PPP6R2: variants seen among roughly 807,000 people sequenced by gnomAD.
PPP6R2 encodes the protein protein phosphatase 6 regulatory subunit 2.
Under a neutral mutation model 100.2 loss-of-function variants are expected in PPP6R2, and 62 were observed. That is an observed-to-expected ratio of 0.62 (90% CI 0.50 to 0.76). PPP6R2 has a LOEUF of 0.76. Ranked by LOEUF, PPP6R2 falls within the 30% of genes least tolerant of loss-of-function variation. The pLI is 0.00. For synonymous variants in PPP6R2, 525 were observed against 514.7 expected (o/e 1.02, Z -0.27); for missense variants, 1,142 against 1,276.3 (o/e 0.89, Z 1.60).
chr22:50,360,105 T>C (rs901429564), intron 1 of PPP6R2, among the ~76,000 whole-genome samples: 10 of 151,228 alleles, frequency 6.6e-5, no homozygotes, highest in African/African-American at 2.4e-4. Flanking sequence ...GAGGCTGGAA[T>C]GCAATGGCAC....
At chr22:50,403,354 G>A (rs1260215588) in intron 3 of PPP6R2, among the ~76,000 whole-genome samples, 1 of 152,168 alleles carries the variant, frequency 6.6e-6, no homozygotes, top group Admixed American at 6.5e-5. Context: ...ACCGGTCTTA[G>A]TGTTAGAGAT....
intron 1 of PPP6R2, among the ~76,000 whole-genome samples, chr22:50,346,742 G>T (rs1033996843): frequency 2.0e-5 from 3 of 146,828 alleles, no homozygotes; most frequent in Non-Finnish European, 3.0e-5. Context: ...CTGTTGGTCA[G>T]TGCTCCCCCA....
intron 3 of PPP6R2, among the ~76,000 whole-genome samples, chr22:50,398,255 T>C (rs569534603): frequency 1.2e-3 from 177 of 148,038 alleles, no homozygotes; most frequent in Non-Finnish European, 2.0e-3. Context: ...CACTACAACC[T>C]CCGCGTCCCA....
At chr22:50,391,772 T>C (rs2148849943) in intron 2 of PPP6R2, 1 of 151,722 alleles carries the variant, frequency 6.6e-6, no homozygotes, top group South Asian at 2.1e-4. Context: ...TTAGTTTTGG[T>C]CTTTTGGATT....
chr22:50,386,960 C>G (rs1349631092), intron 2 of PPP6R2, among the ~76,000 whole-genome samples: 1 of 152,144 alleles, frequency 6.6e-6, no homozygotes, highest in African/African-American at 2.4e-5. Context: ...GGGTGTGGAT[C>G]CAGGCCCTCT....
At chr22:50,390,300 G>A (rs944987567) in intron 2 of PPP6R2, among the ~76,000 whole-genome samples, 2 of 151,978 alleles carry the variant, frequency 1.3e-5, no homozygotes, top group Non-Finnish European at 2.9e-5. Context: ...CCCATATGCC[G>A]TTTTTCAAGA....
chr22:50,338,466 G>GTTA (rs1555945975), upstream of PPP6R2, among the ~76,000 whole-genome samples: 2 of 99,358 alleles, frequency 2.0e-5, no homozygotes, highest in South Asian at 4.6e-4. Context: ...TATGTAGTGT[G>GTTA]TGTTATGTGT....
At chr22:50,401,667 G>A (rs1447984739) in intron 3 of PPP6R2, among the ~76,000 whole-genome samples, 1 of 149,884 alleles carries the variant, frequency 6.7e-6, no homozygotes, top group Non-Finnish European at 1.5e-5. Flanking sequence ...TTTTGAGACG[G>A]AGTCTCACTC....
At chr22:50,339,770 G>GTAGGGTGT (rs2042349120), upstream of PPP6R2, among the ~76,000 whole-genome samples, 1 of 122,434 alleles carries the variant, frequency 8.2e-6, no homozygotes, top group African/African-American at 3.7e-5. Flanking sequence ...TGGTGTGTGT[G>GTAGGGTGT]GTATGTGGTG....
At chr22:50,354,061 T>A (rs2045916560) in intron 1 of PPP6R2, among the ~76,000 whole-genome samples, 1 of 152,138 alleles carries the variant, frequency 6.6e-6, no homozygotes, top group South Asian at 2.1e-4. Context: ...TCTCAGCACT[T>A]TTGGAGGCCG....
Position 50,351,026 on chromosome 22 carries a change from G to GGTTTTTTTT in PPP6R2, c.-148+7476_-148+7477insGTTTTTTTT, listed in dbSNP as rs1386357403. On this transcript the variant is annotated intron_variant, in intron 1 of 23. Transcript: ENST00000612753. ...TTTCTGAGCAGTAGGTCTCAACAGT[G>GGTTTTTTTT]TTTTTTTTTTTTTTTTTTTTTTTTT... Among the ~76,000 whole-genome samples the GGTTTTTTTT allele has an allele frequency of 1.2e-4, 10 of 80,748 alleles. 2 individuals are homozygous for GGTTTTTTTT. The highest frequency in any genetic ancestry group is 4.7e-4 in the South Asian group (1 of 2,138). The allele number at this position is 80,748 out of a possible 152,430, so 53.0% of individuals were successfully genotyped here.
At position 50,438,862 on chromosome 22, in the gene PPP6R2, T is replaced by C. The variant is rs2064973646; in HGVS notation, c.2128+100T>C. ...AGGCTTCATTTGGAGCTGAGGCATT[T>C]GGGGCTCACTGTGGCCCGGAGCCTG... is the stretch of plus-strand genomic sequence containing the variant. On this transcript the variant is annotated intron_variant, in intron 19 of 23. Transcript: ENST00000612753. 4 of 1,230,576 alleles carry C rather than the reference T, an allele frequency of 3.3e-6. No homozygotes were observed. In the East Asian group the frequency reaches 1.0e-4, roughly 32 times the overall value. The allele number at this position is 1,230,576 out of a possible 1,614,324, so 76.2% of individuals were successfully genotyped here.
chr22:50,412,630 C>CTTTT (rs398037412), intron 4 of PPP6R2, among the ~76,000 whole-genome samples: 5 of 79,868 alleles, frequency 6.3e-5, no homozygotes, highest in Non-Finnish European at 8.8e-5. Flanking sequence ...TAAATAAGTC[C>CTTTT]TTTTTTTTTT....
intron 2 of PPP6R2, among the ~76,000 whole-genome samples, chr22:50,373,509 C>G (rs2050766254): frequency 6.6e-6 from 1 of 151,922 alleles, no homozygotes; most frequent in Non-Finnish European, 1.5e-5. Context: ...TCCCAAAGTG[C>G]TGGGATTACA....
chr22:50,402,992 C>G (rs1398192498), intron 3 of PPP6R2, among the ~76,000 whole-genome samples: 1 of 152,134 alleles, frequency 6.6e-6, no homozygotes, highest in Non-Finnish European at 1.5e-5. Flanking sequence ...GCAGGCAGAT[C>G]ACTTGAAGTC....
At chr22:50,437,938 T>C (rs1360489110) in intron 17 of PPP6R2, 38 bp downstream of exon 17, 5 of 1,564,424 alleles carry the variant, frequency 3.2e-6, no homozygotes, top group Non-Finnish European at 4.3e-6. Flanking sequence ...CGCCACCCTT[T>C]TCCCAGGCAG....
At chr22:50,391,126 C>A (rs1372055086) in intron 2 of PPP6R2, among the ~76,000 whole-genome samples, 5 of 151,314 alleles carry the variant, frequency 3.3e-5, no homozygotes, top group Non-Finnish European at 7.4e-5. Context: ...TAGTGAGACC[C>A]CATCTCTATA....
upstream of PPP6R2, among the ~76,000 whole-genome samples, chr22:50,342,321 A>C (rs1186235679): frequency 6.6e-6 from 1 of 152,188 alleles, no homozygotes; most frequent in Non-Finnish European, 1.5e-5. Context: ...GCCCCTTAGG[A>C]TGCTAGGGGA....
chr22:50,368,827 C>T (rs1443580635), intron 1 of PPP6R2, among the ~76,000 whole-genome samples: 1 of 144,970 alleles, frequency 6.9e-6, no homozygotes, highest in East Asian at 2.0e-4. Flanking sequence ...CTGGCTAATG[C>T]TGGTGCTGTT....
Sources: allele counts gnomAD v4.1 joint callset (sites outside exome capture counted in the v4.1 genomes callset), GRCh38; gene constraint gnomAD v4.1.1; transcripts MANE v1.5; gene names NCBI Gene and HGNC (gene_info 2026-07-23, HGNC 2026-07-21).